CATSPER3: variants seen among roughly 807,000 people sequenced by gnomAD.
CATSPER3 encodes cation channel sperm-associated protein 3.
Under a neutral mutation model 36.6 loss-of-function variants are expected in CATSPER3, and 23 were observed. The observed-to-expected ratio is 0.63, with a 90% CI of 0.45 to 0.89. The LOEUF is 0.89. CATSPER3 is among the 40% of genes least tolerant of loss of function. The pLI is 0.00. For synonymous variants in CATSPER3, 172 were observed against 184.1 expected, an observed-to-expected ratio of 0.93 and a Z score of 0.53; for missense variants, 474 against 503.9, an observed-to-expected ratio of 0.94 and a Z score of 0.57.
intron 3 of CATSPER3, among the ~76,000 whole-genome samples, chr5:134,997,000 G>T (rs1357994583): frequency 6.6e-6 from 1 of 152,258 alleles, no homozygotes; most frequent in Non-Finnish European, 1.5e-5. Context: ...CTGCTGAGAA[G>T]TCTTTCTGGG....
chr5:134,982,214 A>G (rs1313419408), intron 2 of CATSPER3, among the ~76,000 whole-genome samples: 1 of 152,266 alleles, frequency 6.6e-6, no homozygotes, highest in Non-Finnish European at 1.5e-5. Context: ...GTGGGACACC[A>G]TAAAACATAC....
intron 2 of CATSPER3, among the ~76,000 whole-genome samples, chr5:134,970,756 G>C (rs62380037): frequency 0.053 from 7,976 of 151,772 alleles, 262 homozygotes; most frequent in Middle Eastern, 0.12. Context: ...GTTTTTAGTA[G>C]AGATAGGGTC....
At chr5:134,998,881 G>A (rs952588592) in intron 3 of CATSPER3, among the ~76,000 whole-genome samples, 1 of 152,098 alleles carries the variant, frequency 6.6e-6, no homozygotes, top group East Asian at 1.9e-4. Context: ...TCACTCTGAC[G>A]GTGGTTTCTT....
chr5:134,973,901 G>A (rs946882410), intron 2 of CATSPER3, among the ~76,000 whole-genome samples: 2 of 152,122 alleles, frequency 1.3e-5, no homozygotes, highest in African/African-American at 4.8e-5. Flanking sequence ...TTGATAATTA[G>A]TAAATTAAGG....
At chr5:134,976,823 CACCATGT>C (rs1236545520) in intron 2 of CATSPER3, among the ~76,000 whole-genome samples, 9 of 152,258 alleles carry the variant, frequency 5.9e-5, no homozygotes, top group Non-Finnish European at 1.3e-4. Context: ...ACAGACTTAA[CACCATGT>C]GGAAGCCACC....
chr5:134,978,483 T>TA (rs531732658), intron 2 of CATSPER3, among the ~76,000 whole-genome samples: 2 of 152,008 alleles, frequency 1.3e-5, no homozygotes, highest in East Asian at 1.9e-4. Context: ...ACACAATCTA[T>TA]AAAAAAACTG....
chr5:134,992,721 A>G (rs1212183507), intron 2 of CATSPER3, among the ~76,000 whole-genome samples: 1 of 152,170 alleles, frequency 6.6e-6, no homozygotes, highest in African/African-American at 2.4e-5. Context: ...GCAAGACTCC[A>G]TCTCAAAAAA....
chr5:134,968,195 T>A (rs1273398586), intron 1 of CATSPER3, 106 bp downstream of exon 1: 2 of 818,632 alleles, frequency 2.4e-6, no homozygotes, highest in African/African-American at 3.4e-5. Context: ...CTCGTCTGCT[T>A]ACCAAAATAA....
chr5:134,973,979 A>G (rs1751637764), intron 2 of CATSPER3, among the ~76,000 whole-genome samples: 1 of 152,236 alleles, frequency 6.6e-6, no homozygotes, highest in Admixed American at 6.5e-5. Flanking sequence ...AGGTGAGGGG[A>G]AACATCTTTT....
At chr5:134,991,419 A>G (rs796865054) in intron 2 of CATSPER3, among the ~76,000 whole-genome samples, 46 of 152,360 alleles carry the variant, frequency 3.0e-4, no homozygotes, top group African/African-American at 1.1e-3. Flanking sequence ...TAATCAAAAC[A>G]GCATGGTACT....
At chr5:135,001,466 G>A (rs956246948) in intron 3 of CATSPER3, among the ~76,000 whole-genome samples, 6 of 152,184 alleles carry the variant, frequency 3.9e-5, no homozygotes, top group Admixed American at 1.3e-4. Context: ...TCTGCTTGGC[G>A]CAGAGCTGAG....
At chr5:135,006,848 A>AAAT (rs1554069451) in intron 3 of CATSPER3, among the ~76,000 whole-genome samples, 1 of 142,172 alleles carries the variant, frequency 7.0e-6, no homozygotes, top group African/African-American at 2.7e-5. Context: ...AAAAAAAAAA[A>AAAT]AATAATAATA....
At chr5:135,000,115 T>G (rs1317950685) in intron 3 of CATSPER3, among the ~76,000 whole-genome samples, 2 of 152,218 alleles carry the variant, frequency 1.3e-5, no homozygotes, top group African/African-American at 4.8e-5. Flanking sequence ...GTTTTTAGCA[T>G]GAAGGGCTGT....
intron 2 of CATSPER3, 117 bp downstream of exon 2, chr5:134,970,209 G>T (rs2149544495): frequency 1.0e-6 from 1 of 999,198 alleles, no homozygotes; most frequent in East Asian, 2.5e-5. Context: ...AGGCTGGAGT[G>T]CAGTGGCGTG....
chr5:134,980,816 C>A (rs1751741019), intron 2 of CATSPER3, among the ~76,000 whole-genome samples: 1 of 152,074 alleles, frequency 6.6e-6, no homozygotes, highest in African/African-American at 2.4e-5. Context: ...AGCCTTAAAC[C>A]CTTGGACTCA....
Position 135,009,452 on chromosome 5 carries a change from C to T in CATSPER3, c.898C>T (p.Arg300Trp), listed in dbSNP as rs142712287. 1.4e-5 allele frequency: 23 copies of T among 1,608,016 alleles called. No homozygotes were observed. Among genetic ancestry groups the T allele is most frequent in the East Asian group, 9.0e-5 (4 of 44,646 alleles). Residue 300 changes from arginine to tryptophan, a missense_variant, in exon 6 of 8, where the codon CGG becomes TGG. Transcript: ENST00000282611. ...LMGEKQVILQ[R>W]QQEEISRLMH... Reference sequence around the variant, plus strand: ...GGGAGAGAAGCAGGTGATTCTGCAGCGGCAGCAGGAGGAGATCAGCAGGCT... The same window carrying T: ...GGGAGAGAAGCAGGTGATTCTGCAGTGGCAGCAGGAGGAGATCAGCAGGCT...
chr5:134,978,007 A>G (rs1403313536), intron 2 of CATSPER3, among the ~76,000 whole-genome samples: 2 of 152,156 alleles, frequency 1.3e-5, no homozygotes, highest in African/African-American at 2.4e-5. Context: ...ATGGTGCTAA[A>G]CCATTCATAA....
At chr5:134,989,192 T>C (rs1751850420) in intron 2 of CATSPER3, among the ~76,000 whole-genome samples, 1 of 152,214 alleles carries the variant, frequency 6.6e-6, no homozygotes, top group Admixed American at 6.5e-5. Flanking sequence ...ATTCCATTTC[T>C]AGAGCACAGG....
chr5:135,007,131 G>T lies in CATSPER3; in HGVS notation c.493-826G>T, dbSNP rs146287432. On this transcript the variant is annotated intron_variant, in intron 3 of 7. Transcript: ENST00000282611. ...GTCTCTGTGCTCAGGGTCATTAGTG[G>T]TTGAAGGTGGTGGCATGGGGCAAAG... Among the ~76,000 whole-genome samples the T allele has an allele frequency of 3.5e-3, 533 of 152,276 alleles. 3 individuals carry two copies. The highest frequency in any genetic ancestry group is 0.012 in the African/African-American group (515 of 41,546).
Sources: gnomAD v4.1 joint callset for allele counts (sites outside exome capture counted in the v4.1 genomes callset) on GRCh38, gnomAD v4.1.1 for gene constraint, MANE v1.5 for transcripts, NCBI Gene and HGNC (gene_info 2026-07-23, HGNC 2026-07-21) for gene names.